Variants in SH3BGRL2 observed in about 807,000 individuals in gnomAD.
SH3BGRL2 encodes SH3 domain-binding glutamic acid-rich-like protein 2.
Under a neutral mutation model 14.8 loss-of-function variants are expected in SH3BGRL2, and 21 were observed. That is an observed-to-expected ratio of 1.42 (90% CI 1.01 to 2.05). SH3BGRL2 has a LOEUF of 2.05. Ranked by LOEUF, SH3BGRL2 falls within the 30% of genes most tolerant of loss-of-function variation. The probability of loss-of-function intolerance (pLI) is 0.00; values close to 1 mark genes in which losing one functional copy is unlikely to be tolerated. For missense variants in SH3BGRL2, 147 were observed against 130.8 expected, an observed-to-expected ratio of 1.12 and a Z score of -0.61; for synonymous variants, 50 against 47.8, an observed-to-expected ratio of 1.05 and a Z score of -0.19.
chr6:79,631,167 G>A (rs909137771), upstream of SH3BGRL2: 6 of 337,240 alleles, frequency 1.8e-5, no homozygotes, highest in South Asian at 1.5e-4. Flanking sequence ...ATAGAAGCGC[G>A]GTCAGGAGGG....
At chr6:79,577,706 A>G in the SH3BGRL2 span, among the ~76,000 whole-genome samples, 34 of 152,352 alleles carry the variant, frequency 2.2e-4, no homozygotes, top group East Asian at 6.4e-3. Context: ...AGTGTGATCA[A>G]TGCAGAAGAC....
At chr6:79,628,409 G>A (rs1345021795), upstream of SH3BGRL2, among the ~76,000 whole-genome samples, 1 of 151,782 alleles carries the variant, frequency 6.6e-6, no homozygotes, top group Non-Finnish European at 1.5e-5. Flanking sequence ...GGTCTACCAG[G>A]ACTTGTAAAG....
At chr6:79,602,212 C>T in the SH3BGRL2 span, among the ~76,000 whole-genome samples, 544 of 152,230 alleles carry the variant, frequency 3.6e-3, 3 homozygotes, top group Non-Finnish European at 5.9e-3. Context: ...ATTTCAAAAA[C>T]GGTCTGTGCC....
At chr6:79,546,444 C>T in the SH3BGRL2 span, among the ~76,000 whole-genome samples, 1 of 152,058 alleles carries the variant, frequency 6.6e-6, no homozygotes, top group Admixed American at 6.5e-5. Context: ...AAGTGCATAA[C>T]CAACCTTACT....
chr6:79,699,301 G>A (rs1230365231), intron 3 of SH3BGRL2, among the ~76,000 whole-genome samples, 197 bp from the exon 4 acceptor site: 2 of 151,884 alleles, frequency 1.3e-5, no homozygotes, highest in Admixed American at 6.6e-5. Context: ...TTGGCAGGTC[G>A]GGTGGGTGTG....
the SH3BGRL2 span, among the ~76,000 whole-genome samples, chr6:79,588,013 G>A: frequency 1.4e-4 from 21 of 151,462 alleles, no homozygotes; most frequent in Non-Finnish European, 2.2e-4. Flanking sequence ...CCGTCTACTG[G>A]CCGGGTGCGG....
At chr6:79,586,556 A>G in the SH3BGRL2 span, among the ~76,000 whole-genome samples, 2 of 152,360 alleles carry the variant, frequency 1.3e-5, no homozygotes, top group South Asian at 2.1e-4. Context: ...ACAGACTAAC[A>G]TTTAAGGCAA....
At chr6:79,673,334 G>A (rs953609604) in intron 1 of SH3BGRL2, among the ~76,000 whole-genome samples, 1 of 152,044 alleles carries the variant, frequency 6.6e-6, no homozygotes, top group African/African-American at 2.4e-5. Flanking sequence ...CAGCACTTTG[G>A]GAGGCCGAGG....
the SH3BGRL2 span, among the ~76,000 whole-genome samples, chr6:79,563,041 C>T: frequency 9.2e-5 from 14 of 152,138 alleles, no homozygotes; most frequent in Non-Finnish European, 1.8e-4. Flanking sequence ...CTGCAAGCTC[C>T]GCCTCCCGAG....
At chr6:79,677,596 G>A (rs958825375) in intron 2 of SH3BGRL2, among the ~76,000 whole-genome samples, 4 of 152,262 alleles carry the variant, frequency 2.6e-5, no homozygotes, top group African/African-American at 9.6e-5. Context: ...CTCATCTGGG[G>A]TGTGACATGA....
At chr6:79,582,275 G>GA in the SH3BGRL2 span, among the ~76,000 whole-genome samples, 6 of 152,018 alleles carry the variant, frequency 3.9e-5, no homozygotes, top group Non-Finnish European at 7.4e-5. Context: ...CACAGAGTTG[G>GA]AAAAAACTAT....
chr6:79,631,513 G>T lies in SH3BGRL2; in HGVS notation c.45+7G>T. The T allele has an allele frequency of 6.9e-7, 1 of 1,458,478 alleles. No homozygotes were observed. 90.3% of individuals were successfully genotyped at this position (1,458,478 alleles called of 1,614,324 possible). On this transcript the variant is annotated splice_region_variant and intron_variant, in intron 1 of 3. Transcript: ENST00000369838. Reference sequence around the variant, plus strand: ...TTCCTCGGGCTTCGTGGCGGTGAGCGCGGTGGGGGCGGGCAGTAGGTTGGG... The same window carrying T: ...TTCCTCGGGCTTCGTGGCGGTGAGCTCGGTGGGGGCGGGCAGTAGGTTGGG...
the SH3BGRL2 span, among the ~76,000 whole-genome samples, chr6:79,566,897 TAA>T: frequency 2.3e-3 from 317 of 136,832 alleles, no homozygotes; most frequent in Middle Eastern, 3.8e-3. Context: ...ACTCTGTCTC[TAA>T]AAAAAAAAAA....
At chr6:79,556,816 A>G in the SH3BGRL2 span, among the ~76,000 whole-genome samples, 32 of 152,036 alleles carry the variant, frequency 2.1e-4, no homozygotes, top group East Asian at 3.9e-4. Context: ...AATTTATAAT[A>G]AGGAGGGAAA....
At chr6:79,548,946 A>C in the SH3BGRL2 span, among the ~76,000 whole-genome samples, 3 of 152,170 alleles carry the variant, frequency 2.0e-5, no homozygotes, top group African/African-American at 7.2e-5. Context: ...GTTCTTATTA[A>C]GATATAAATT....
the SH3BGRL2 span, among the ~76,000 whole-genome samples, chr6:79,617,207 A>AG: frequency 6.6e-6 from 1 of 152,130 alleles, no homozygotes; most frequent in African/African-American, 2.4e-5. Flanking sequence ...AAGAAAAAAA[A>AG]AAGAAAAGAA....
intron 3 of SH3BGRL2, among the ~76,000 whole-genome samples, chr6:79,696,767 A>G (rs773501305): frequency 1.3e-5 from 2 of 152,120 alleles, no homozygotes; most frequent in Non-Finnish European, 2.9e-5. Context: ...CCAATTCTTC[A>G]GTTGTTGCTA....
At chr6:79,559,421 A>G in the SH3BGRL2 span, among the ~76,000 whole-genome samples, 1 of 152,212 alleles carries the variant, frequency 6.6e-6, no homozygotes, top group Non-Finnish European at 1.5e-5. Context: ...CCAGCCAGGC[A>G]TGGATAACCC....
intron 1 of SH3BGRL2, among the ~76,000 whole-genome samples, chr6:79,640,892 T>C (rs1769019326): frequency 6.6e-6 from 1 of 152,152 alleles, no homozygotes; most frequent in East Asian, 1.9e-4. Flanking sequence ...GTAAGAGACA[T>C]ACAATTAGGT....
Sources: gnomAD v4.1 joint callset for allele counts (sites outside exome capture counted in the v4.1 genomes callset) on GRCh38, gnomAD v4.1.1 for gene constraint, MANE v1.5 for transcripts, NCBI Gene and HGNC (gene_info 2026-07-23, HGNC 2026-07-21) for gene names.